Variants in INSR observed in about 807,000 individuals in gnomAD.
INSR encodes the protein IR.
Under a neutral mutation model 142.6 loss-of-function variants are expected in INSR, and 67 were observed. The ratio of observed to expected loss-of-function variants is 0.47; its 90% CI spans 0.39 to 0.58. The LOEUF (loss-of-function observed/expected upper bound fraction) is 0.58. INSR is among the 20% of genes least tolerant of loss of function. The pLI is 0.00. For synonymous variants in INSR, 756 were observed against 743.1 expected (o/e 1.02, Z -0.28); for missense variants, 1,248 against 1,833.2 (o/e 0.68, Z 5.83).
chr19:7,264,308 G>A (rs1203726860), intron 2 of INSR, among the ~76,000 whole-genome samples: 1 of 152,144 alleles, frequency 6.6e-6, no homozygotes, highest in African/African-American at 2.4e-5. Flanking sequence ...ACTCCAGCCT[G>A]GGTGACAGAA....
intron 2 of INSR, among the ~76,000 whole-genome samples, chr19:7,256,634 C>T (rs1010489360): frequency 1.3e-5 from 2 of 150,902 alleles, no homozygotes; most frequent in Non-Finnish European, 2.9e-5. Context: ...CATGGTGGTG[C>T]GTGCCTGGAA....
At chr19:7,264,195 G>A (rs1156282821) in intron 2 of INSR, among the ~76,000 whole-genome samples, 22 of 150,942 alleles carry the variant, frequency 1.5e-4, no homozygotes, top group Admixed American at 5.3e-4. Context: ...AAAGTAGCCG[G>A]ATGTGGTGAC....
At chr19:7,271,997 A>G (rs1967937667) in intron 1 of INSR, among the ~76,000 whole-genome samples, 1 of 151,800 alleles carries the variant, frequency 6.6e-6, no homozygotes, top group African/African-American at 2.4e-5. Context: ...GCAACAGAGC[A>G]ATATCTTGTC....
chr19:7,255,201 C>T (rs1340048894), intron 2 of INSR, among the ~76,000 whole-genome samples: 1 of 152,202 alleles, frequency 6.6e-6, no homozygotes, highest in Non-Finnish European at 1.5e-5. Flanking sequence ...TTCTGCCCAC[C>T]CATCAGCTTA....
rs111557734 is a variant in INSR, at chr19:7,115,624, G to A, written c.*1432C>T. ...GTGCTTTGGGATCTGACGTTCTTGG[G>A]TTTGCACAATAACGGTTAGGATGTT... On this transcript the variant is annotated 3_prime_UTR_variant, in exon 22 of 22. Coordinates refer to ENST00000302850, the MANE Select transcript of INSR (RefSeq NM_000208.4). 0.017 allele frequency: 2,493 copies of A among 144,700 alleles called. 39 individuals carry two copies. Among genetic ancestry groups the A allele is most frequent in the African/African-American group, 0.04 (1,551 of 38,452 alleles). The allele number at this position is 144,700 out of a possible 1,614,324, so 9.0% of individuals were successfully genotyped here.
intron 2 of INSR, among the ~76,000 whole-genome samples, chr19:7,244,931 CTTTT>C (rs370936908): frequency 8.5e-4 from 75 of 88,016 alleles, no homozygotes; most frequent in South Asian, 4.0e-3. Flanking sequence ...TTTGTTTTTG[CTTTT>C]TTTTTTTTTT....
intron 1 of INSR, among the ~76,000 whole-genome samples, chr19:7,291,323 T>C (rs73492886): frequency 0.043 from 6,575 of 152,278 alleles, 447 homozygotes; most frequent in African/African-American, 0.15. Flanking sequence ...CGAAGTTTTC[T>C]CACTTGTGAA....
At chr19:7,269,030 C>A (rs189826634) in intron 1 of INSR, among the ~76,000 whole-genome samples, 5 of 120,982 alleles carry the variant, frequency 4.1e-5, no homozygotes, top group East Asian at 6.9e-4. Context: ...GCCAACACAC[C>A]CACACACCCA....
chr19:7,131,905 G>A (rs1034872150), intron 14 of INSR, among the ~76,000 whole-genome samples: 2 of 151,500 alleles, frequency 1.3e-5, no homozygotes, highest in Non-Finnish European at 2.9e-5. Context: ...GGCTGAGGTG[G>A]GAGAATCACT....
At chr19:7,212,477 G>A (rs947331018) in intron 2 of INSR, among the ~76,000 whole-genome samples, 1 of 152,212 alleles carries the variant, frequency 6.6e-6, no homozygotes, top group African/African-American at 2.4e-5. Context: ...GGTCTGCCAT[G>A]TTTTGGAGGC....
intron 2 of INSR, among the ~76,000 whole-genome samples, chr19:7,201,381 T>C (rs899094907): frequency 1.3e-5 from 2 of 152,038 alleles, no homozygotes; most frequent in Non-Finnish European, 2.9e-5. Context: ...TCCCAGCACT[T>C]TGGGAGGCCG....
chr19:7,255,104 G>C (rs1375954100), intron 2 of INSR, among the ~76,000 whole-genome samples: 1 of 148,094 alleles, frequency 6.8e-6, no homozygotes, highest in Non-Finnish European at 1.5e-5. Flanking sequence ...TCAAGATTTA[G>C]ACAGCATCAT....
At chr19:7,273,783 C>T (rs538068834) in intron 1 of INSR, among the ~76,000 whole-genome samples, 11 of 152,132 alleles carry the variant, frequency 7.2e-5, no homozygotes, top group Middle Eastern at 3.4e-3. Context: ...TCCCAAAGTG[C>T]TGGGATTACA....
At position 7,276,942 on chromosome 19, in the gene INSR, G is replaced by A. The variant is rs532810461; in HGVS notation, c.101-9046C>T. 5.3e-5 allele frequency among the ~76,000 whole-genome samples: 8 copies of A among 152,198 alleles called. No homozygotes were observed. In the South Asian group the frequency reaches 1.7e-3, roughly 32 times the overall value. On this transcript the variant is annotated intron_variant, in intron 1 of 21. Coordinates refer to ENST00000302850, the MANE Select transcript of INSR (RefSeq NM_000208.4). ...GACAGGGTTTTGCCAAGTTGGCCAG[G>A]CTAGTCTCAAACTCGTGACCTCAGG...
intron 2 of INSR, among the ~76,000 whole-genome samples, chr19:7,228,774 C>T (rs1975861495): frequency 6.6e-6 from 1 of 152,212 alleles, no homozygotes; most frequent in Non-Finnish European, 1.5e-5. Flanking sequence ...TACTTCAAAA[C>T]ATCTCCCTTA....
intron 2 of INSR, among the ~76,000 whole-genome samples, chr19:7,210,339 T>TGAA (rs1600024199): frequency 1.9e-5 from 1 of 51,318 alleles, no homozygotes; most frequent in Non-Finnish European, 3.9e-5. Flanking sequence ...AGACTCTGTC[T>TGAA]CAAAAAAAAA....
chr19:7,171,108 C>T (rs1264085823), intron 5 of INSR, among the ~76,000 whole-genome samples: 1 of 152,064 alleles, frequency 6.6e-6, no homozygotes, highest in Non-Finnish European at 1.5e-5. Context: ...CAATAGGTGA[C>T]AGGAAATAGC....
chr19:7,175,694 G>A (rs568500769), intron 3 of INSR, among the ~76,000 whole-genome samples: 2 of 152,120 alleles, frequency 1.3e-5, no homozygotes, highest in Non-Finnish European at 2.9e-5. Flanking sequence ...AATTAGCTGG[G>A]TGTGGTGGCA....
intron 17 of INSR, 29 bp from the exon 18 acceptor site, chr19:7,123,018 A>T: frequency 2.0e-6 from 3 of 1,522,258 alleles, no homozygotes; most frequent in Non-Finnish European, 2.7e-6. Flanking sequence ...GGGTTCTTGG[A>T]GGAGGGTCCG....
Sources: gnomAD v4.1 joint callset for allele counts (sites outside exome capture counted in the v4.1 genomes callset) on GRCh38, gnomAD v4.1.1 for gene constraint, MANE v1.5 for transcripts, NCBI Gene and HGNC (gene_info 2026-07-23, HGNC 2026-07-21) for gene names.